Variants in GRID2 observed in about 807,000 individuals in gnomAD.
GRID2 encodes the protein glutamate receptor ionotropic, delta-2.
In GRID2, 33 loss-of-function variants were observed where a neutral mutation model predicts 114.8. That is an observed-to-expected ratio of 0.29 (90% CI 0.22 to 0.38). GRID2 has a LOEUF of 0.38. Ranked by LOEUF, GRID2 falls within the 10% of genes least tolerant of loss-of-function variation. The pLI is 1.00. For synonymous variants in GRID2, 505 were observed against 449.9 expected, an observed-to-expected ratio of 1.12 and a Z score of -1.55; for missense variants, 1,184 against 1,257.7, an observed-to-expected ratio of 0.94 and a Z score of 0.89.
chr4:93,001,484 G>A (rs1720973210), intron 2 of GRID2, among the ~76,000 whole-genome samples: 1 of 151,670 alleles, frequency 6.6e-6, no homozygotes, highest in African/African-American at 2.4e-5. Context: ...GCTAGAACTT[G>A]CTACTTATAG....
intron 1 of GRID2, among the ~76,000 whole-genome samples, chr4:93,789,032 C>T (rs1486395181): frequency 1.3e-5 from 2 of 152,148 alleles, no homozygotes; most frequent in Non-Finnish European, 1.5e-5. Context: ...GAAATAATCT[C>T]TTTTCTCCTC....
At chr4:92,903,988 A>G (rs1313394039) in intron 2 of GRID2, among the ~76,000 whole-genome samples, 2 of 151,932 alleles carry the variant, frequency 1.3e-5, no homozygotes, top group South Asian at 2.1e-4. Context: ...CTGTTTAATC[A>G]TCACTACGAT....
At chr4:93,740,768 A>G (rs999622258) in intron 14 of GRID2, among the ~76,000 whole-genome samples, 7 of 152,114 alleles carry the variant, frequency 4.6e-5, no homozygotes, top group African/African-American at 1.7e-4. Flanking sequence ...TTCTAATAGG[A>G]TAGTACAATA....
intron 1 of GRID2, among the ~76,000 whole-genome samples, chr4:92,533,184 G>A: frequency 7.0e-6 from 1 of 142,714 alleles, no homozygotes; most frequent in Non-Finnish European, 1.6e-5. Flanking sequence ...ACTTTGGTGT[G>A]TTTTTTTGTT....
intron 2 of GRID2, among the ~76,000 whole-genome samples, chr4:92,954,489 C>G (rs537212503): frequency 6.6e-6 from 1 of 151,778 alleles, no homozygotes; most frequent in African/African-American, 2.4e-5. Context: ...TGCAGTGGAG[C>G]GATCTCGACT....
intron 10 of GRID2, among the ~76,000 whole-genome samples, chr4:93,448,662 C>T (rs1023649458): frequency 6.6e-6 from 1 of 151,846 alleles, no homozygotes; most frequent in African/African-American, 2.4e-5. Flanking sequence ...AAGAAATCAT[C>T]ATGTTAAACA....
intron 7 of GRID2, among the ~76,000 whole-genome samples, chr4:93,227,618 A>C (rs1745645284): frequency 6.6e-6 from 1 of 152,148 alleles, no homozygotes; most frequent in African/African-American, 2.4e-5. Flanking sequence ...TCTATCTTTA[A>C]GTCGTTTATT....
At chr4:93,298,270 G>A (rs577109068) in intron 8 of GRID2, among the ~76,000 whole-genome samples, 5 of 152,132 alleles carry the variant, frequency 3.3e-5, no homozygotes, top group African/African-American at 7.2e-5. Flanking sequence ...AGGCTGAATG[G>A]CTTATAAACA....
At chr4:93,472,645 A>G (rs1724953097) in intron 11 of GRID2, among the ~76,000 whole-genome samples, 1 of 152,224 alleles carries the variant, frequency 6.6e-6, no homozygotes, top group South Asian at 2.1e-4. Flanking sequence ...TATGAATGGA[A>G]CAAAGGTTGG....
intron 8 of GRID2, among the ~76,000 whole-genome samples, chr4:93,307,457 A>G (rs1755556109): frequency 6.6e-6 from 1 of 151,944 alleles, no homozygotes; most frequent in African/African-American, 2.4e-5. Flanking sequence ...AGTAGCTCAC[A>G]GCTCTTCACA....
intron 1 of GRID2, among the ~76,000 whole-genome samples, chr4:92,548,657 GT>G (rs943998099): frequency 1.2e-4 from 18 of 151,746 alleles, no homozygotes; most frequent in Non-Finnish European, 1.3e-4. Context: ...ACTTCCCAAA[GT>G]GCTGGGATTA....
At chr4:93,204,897 T>A (rs1742522372) in intron 4 of GRID2, among the ~76,000 whole-genome samples, 2 of 152,192 alleles carry the variant, frequency 1.3e-5, no homozygotes, top group African/African-American at 4.8e-5. Flanking sequence ...ATAGAATCAC[T>A]GTACTACTAT....
At chr4:92,483,260 T>G (rs1579444211) in intron 1 of GRID2, among the ~76,000 whole-genome samples, 1 of 151,926 alleles carries the variant, frequency 6.6e-6, no homozygotes, top group African/African-American at 2.4e-5. Flanking sequence ...ATCGCTTGAA[T>G]CTGAGAGGCA....
chr4:93,335,024 A>G (rs1252411345), intron 8 of GRID2, among the ~76,000 whole-genome samples: 1 of 151,138 alleles, frequency 6.6e-6, no homozygotes, highest in Non-Finnish European at 1.5e-5. Context: ...GCTATGTACT[A>G]ATATACTAAT....
At chr4:93,266,368 C>T (rs1286258492) in intron 8 of GRID2, among the ~76,000 whole-genome samples, 1 of 152,004 alleles carries the variant, frequency 6.6e-6, no homozygotes, top group Non-Finnish European at 1.5e-5. Context: ...CACTATAATC[C>T]CTAGACCTAC....
intron 14 of GRID2, among the ~76,000 whole-genome samples, chr4:93,655,133 C>A (rs577840327): frequency 6.6e-6 from 1 of 152,042 alleles, no homozygotes; most frequent in Non-Finnish European, 1.5e-5. Context: ...ATTTCTCTGC[C>A]GATAGGGATG....
intron 1 of GRID2, among the ~76,000 whole-genome samples, chr4:92,559,235 G>T (rs1330959255): frequency 6.6e-6 from 1 of 152,048 alleles, no homozygotes; most frequent in South Asian, 2.1e-4. Context: ...TTGTATAGTT[G>T]CCATGCAAAC....
At chr4:93,055,478 C>A (rs1035714626) in intron 2 of GRID2, among the ~76,000 whole-genome samples, 1 of 151,794 alleles carries the variant, frequency 6.6e-6, no homozygotes, top group Non-Finnish European at 1.5e-5. Context: ...ATGTAACTAA[C>A]CTGCACATTG....
chr4:92,309,713 C>A (rs986516134), intron 1 of GRID2, among the ~76,000 whole-genome samples: 3 of 151,944 alleles, frequency 2.0e-5, no homozygotes, highest in Middle Eastern at 3.4e-3. Context: ...ACACCTGATA[C>A]CCTCTAAACA....
Sources: gnomAD v4.1 joint callset for allele counts (sites outside exome capture counted in the v4.1 genomes callset) on GRCh38, gnomAD v4.1.1 for gene constraint, MANE v1.5 for transcripts, NCBI Gene and HGNC (gene_info 2026-07-23, HGNC 2026-07-21) for gene names.